The following TUBGCP3 variants were observed in gnomAD, a reference collection of about 807,000 sequenced individuals.
The protein encoded by TUBGCP3 is gamma-tubulin complex component 3.
Under a neutral mutation model 123.1 loss-of-function variants are expected in TUBGCP3, and 50 were observed. The ratio of observed to expected loss-of-function variants is 0.41; its 90% CI spans 0.32 to 0.51. The LOEUF (loss-of-function observed/expected upper bound fraction) is 0.51. TUBGCP3 is among the 20% of genes least tolerant of loss of function. The pLI is 0.36. For synonymous variants in TUBGCP3, 405 were observed against 413.9 expected, an observed-to-expected ratio of 0.98 and a Z score of 0.26; for missense variants, 882 against 1,127.0, an observed-to-expected ratio of 0.78 and a Z score of 3.11.
upstream of TUBGCP3, among the ~76,000 whole-genome samples, chr13:112,588,426 G>A (rs1029755549): frequency 2.0e-5 from 3 of 152,160 alleles, no homozygotes; most frequent in Non-Finnish European, 4.4e-5. Context: ...GTGTGTTAAC[G>A]GCATTGGTTT....
chr13:112,573,735 T>C lies in TUBGCP3; in HGVS notation c.77-4476A>G, dbSNP rs539002910. Among the ~76,000 whole-genome samples, 9 of 152,342 alleles carry C rather than the reference T, an allele frequency of 5.9e-5. No individual in the cohort carries two copies. The South Asian group carries it at 1.0e-3, about 18-fold the overall frequency. ...GATTGGAGCTGGTGCCAGGGTGGGA[T>C]AGCCTGCCTGTCTGCCCAACTTCTA... On this transcript the variant is annotated intron_variant, in intron 1 of 21. Coordinates refer to ENST00000261965, the MANE Select transcript of TUBGCP3 (RefSeq NM_006322.6).
At chr13:112,590,670 CAG>C (rs1348364721), upstream of TUBGCP3, among the ~76,000 whole-genome samples, 2 of 152,154 alleles carry the variant, frequency 1.3e-5, no homozygotes, top group Non-Finnish European at 2.9e-5. Context: ...TTTATAGCAA[CAG>C]AGGCACTCAT....
At chr13:112,492,536 C>A (rs1304366875) in intron 20 of TUBGCP3, among the ~76,000 whole-genome samples, 3 of 152,336 alleles carry the variant, frequency 2.0e-5, no homozygotes, top group East Asian at 1.9e-4. Context: ...GACCACCTCT[C>A]CCCCCAGAGG....
At chr13:112,548,040 T>C in intron 9 of TUBGCP3, 68 bp downstream of exon 9, 1 of 1,252,676 alleles carries the variant, frequency 8.0e-7, no homozygotes, top group Non-Finnish European at 1.1e-6. Flanking sequence ...ACTTAAAACA[T>C]TCTATATAGC....
chr13:112,544,222 G>T (rs1481034221), intron 11 of TUBGCP3, among the ~76,000 whole-genome samples: 1 of 152,260 alleles, frequency 6.6e-6, no homozygotes, highest in East Asian at 1.9e-4. Flanking sequence ...GGGAGGCCAA[G>T]GCGGGCAGAT....
intron 1 of TUBGCP3, among the ~76,000 whole-genome samples, chr13:112,574,431 TCA>T (rs1337458359): frequency 1.3e-5 from 2 of 150,892 alleles, no homozygotes; most frequent in Admixed American, 1.3e-4. Flanking sequence ...CACTCTGAGC[TCA>T]CAGTGTGACT....
intron 11 of TUBGCP3, among the ~76,000 whole-genome samples, chr13:112,539,916 A>C (rs9550131): frequency 0.097 from 8,650 of 89,304 alleles, 310 homozygotes; most frequent in African/African-American, 0.19. Context: ...GCCTATGAGC[A>C]TTCAGGTGGT....
At chr13:112,578,334 C>T (rs1484933407) in intron 1 of TUBGCP3, among the ~76,000 whole-genome samples, 13 of 151,346 alleles carry the variant, frequency 8.6e-5, no homozygotes, top group African/African-American at 2.2e-4. Flanking sequence ...CCGAGGCGGG[C>T]GGATCACGAG....
At chr13:112,490,173 G>A (rs975271128) in intron 20 of TUBGCP3, among the ~76,000 whole-genome samples, 3 of 152,086 alleles carry the variant, frequency 2.0e-5, no homozygotes, top group Non-Finnish European at 2.9e-5. Context: ...AGATATACCC[G>A]TTTATTTCTA....
intron 3 of TUBGCP3, among the ~76,000 whole-genome samples, chr13:112,562,182 C>A (rs1346900684): frequency 2.0e-5 from 3 of 151,388 alleles, no homozygotes; most frequent in African/African-American, 7.3e-5. Flanking sequence ...CCAGCCAGGA[C>A]CCACTAGGGA....
chr13:112,582,005 G>A (rs1043724548), intron 1 of TUBGCP3, among the ~76,000 whole-genome samples: 1 of 152,050 alleles, frequency 6.6e-6, no homozygotes, highest in Admixed American at 6.5e-5. Flanking sequence ...TATCCTTCTT[G>A]CTGATTATAA....
At chr13:112,521,599 G>T (rs1876632865) in intron 14 of TUBGCP3, 1 of 918,158 alleles carries the variant, frequency 1.1e-6, no homozygotes, top group Non-Finnish European at 1.3e-6. Flanking sequence ...AATTGCTTGG[G>T]GAGCACTGGC....
intron 16 of TUBGCP3, among the ~76,000 whole-genome samples, chr13:112,516,799 T>C (rs1876170979): frequency 6.6e-6 from 1 of 152,146 alleles, no homozygotes; most frequent in African/African-American, 2.4e-5. Flanking sequence ...GGATTTTCAA[T>C]CCATTTTAGA....
At chr13:112,491,639 T>C (rs1880110362) in intron 20 of TUBGCP3, among the ~76,000 whole-genome samples, 1 of 152,248 alleles carries the variant, frequency 6.6e-6, no homozygotes, top group African/African-American at 2.4e-5. Context: ...CAATTTGTCT[T>C]CTTTTCTCCC....
At chr13:112,531,024 T>A (rs1877531857) in intron 11 of TUBGCP3, among the ~76,000 whole-genome samples, 1 of 152,256 alleles carries the variant, frequency 6.6e-6, no homozygotes, top group African/African-American at 2.4e-5. Context: ...TGTTGTTTTT[T>A]AAATAACGTC....
chr13:112,551,347 T>A lies in TUBGCP3; in HGVS notation c.966+2710A>T, dbSNP rs554151586. 6.6e-5 allele frequency among the ~76,000 whole-genome samples: 10 copies of A among 151,808 alleles called. No individual in the cohort carries two copies. In the South Asian group the frequency reaches 2.1e-3, roughly 32 times the overall value. The stretch of plus-strand genomic sequence containing the variant: ...TAAGTTTCACACTTACAAAACAGTA[T>A]CTTCATTCATATATGATTTTGCTCC... On this transcript the variant is annotated intron_variant, in intron 8 of 21. Transcript: ENST00000261965.
intron 1 of TUBGCP3, among the ~76,000 whole-genome samples, chr13:112,570,430 C>T (rs539851606): frequency 5.3e-5 from 8 of 152,142 alleles, no homozygotes; most frequent in Non-Finnish European, 8.8e-5. Flanking sequence ...TTTTGTTTTC[C>T]CAGTGCATAT....
At chr13:112,491,400 G>A (rs1449383058) in intron 20 of TUBGCP3, among the ~76,000 whole-genome samples, 2 of 152,156 alleles carry the variant, frequency 1.3e-5, no homozygotes, top group Admixed American at 6.5e-5. Context: ...TTTTCTAAGT[G>A]AGTACTGATA....
At position 112,486,026 on chromosome 13, in the gene TUBGCP3, C is replaced by T; in HGVS notation, c.2691G>A (p.Leu897=). ...KAREPRLRVS[L]GTRGRRSSHT ...GGGAGCTGCGCCGCCCCCTGGTACC[C>T]AGAGACACACGGAGCCTGGGCTCCC... The change falls in exon 22 of 22, where the codon CTG becomes CTA. Residue 897 remains leucine, a synonymous_variant. Transcript: ENST00000261965. 1 of 1,607,932 alleles carries T rather than the reference C, an allele frequency of 6.2e-7. No homozygotes were observed. The highest frequency in any genetic ancestry group is 8.5e-7 in the Non-Finnish European group (1 of 1,174,698).
Sources: allele counts gnomAD v4.1 joint callset (sites outside exome capture counted in the v4.1 genomes callset), GRCh38; gene constraint gnomAD v4.1.1; transcripts MANE v1.5; gene names NCBI Gene and HGNC (gene_info 2026-07-23, HGNC 2026-07-21).